Variants in PIK3R3 observed in about 807,000 individuals in gnomAD.
The protein encoded by PIK3R3 is phosphatidylinositol 3-kinase regulatory subunit gamma.
PIK3R3 carries 64 observed loss-of-function variants against 62.9 expected under a neutral mutation model. The observed-to-expected ratio is 1.02, with a 90% CI of 0.83 to 1.25. PIK3R3 has a LOEUF of 1.25. Among genes scored for constraint, PIK3R3 ranks in the 50% most tolerant of loss-of-function variants. The pLI, the probability that PIK3R3 is intolerant of heterozygous loss-of-function variation, is 0.00. For synonymous variants in PIK3R3, 165 were observed against 189.0 expected, an observed-to-expected ratio of 0.87 and a Z score of 1.04; for missense variants, 614 against 561.6, an observed-to-expected ratio of 1.09 and a Z score of -0.94.
At chr1:46,167,112 G>A in the PIK3R3 span, among the ~76,000 whole-genome samples, 1 of 152,276 alleles carries the variant, frequency 6.6e-6, no homozygotes, top group Non-Finnish European at 1.5e-5. Context: ...CTCTAGCGGG[G>A]AAGGCACCCC....
chr1:46,130,382 G>C (rs1655477501), intron 1 of PIK3R3, among the ~76,000 whole-genome samples: 3 of 152,096 alleles, frequency 2.0e-5, no homozygotes, highest in African/African-American at 7.2e-5. Context: ...CAATAGATGG[G>C]TGGCAAATCT....
chr1:46,169,973 G>C, the PIK3R3 span, among the ~76,000 whole-genome samples: 2 of 152,030 alleles, frequency 1.3e-5, no homozygotes, highest in Non-Finnish European at 2.9e-5. Context: ...CCCCACCCAG[G>C]TGCTCTCCAC....
At chr1:46,093,940 G>A (rs1008223737) in intron 1 of PIK3R3, among the ~76,000 whole-genome samples, 2 of 151,542 alleles carry the variant, frequency 1.3e-5, no homozygotes, top group African/African-American at 4.9e-5. Context: ...ATGGTGGTGT[G>A]TGCCTGTAGT....
At chr1:46,143,167 C>T in the PIK3R3 span, among the ~76,000 whole-genome samples, 2 of 152,162 alleles carry the variant, frequency 1.3e-5, no homozygotes, top group South Asian at 4.1e-4. Context: ...TTTTCTCCTT[C>T]GCTTCTGCGT....
intron 1 of PIK3R3, among the ~76,000 whole-genome samples, chr1:46,092,814 C>G (rs1161278020): frequency 4.2e-5 from 3 of 72,252 alleles, no homozygotes; most frequent in African/African-American, 1.7e-4. Flanking sequence ...CCATACTGGT[C>G]TTCATTTCTC....
chr1:46,043,793 G>C lies in PIK3R3; in HGVS notation c.1266C>G (p.Tyr422Ter). 6.2e-7 allele frequency: 1 copy of C among 1,613,974 alleles called. No homozygotes were observed. The highest frequency in any genetic ancestry group is 8.5e-7 in the Non-Finnish European group (1 of 1,179,790). ...GYGFAEPYNL[Y>*]SSLKELVLHY... Reference sequence around the variant, plus strand: ...GGAGCACTAGCTCCTTCAGAGAGCTGTACAGGTTGTAGGGCTCTGCAAAGC... The same window carrying C: ...GGAGCACTAGCTCCTTCAGAGAGCTCTACAGGTTGTAGGGCTCTGCAAAGC... The change falls in exon 10 of 10, where the codon TAC (tyrosine) becomes TAG (stop). Residue 422 changes from tyrosine to a stop codon, truncating the protein, a stop_gained. Transcript: ENST00000262741. LOFTEE classifies it high-confidence loss of function.
chr1:46,064,612 T>G (rs568742472), intron 5 of PIK3R3, among the ~76,000 whole-genome samples: 1 of 152,054 alleles, frequency 6.6e-6, no homozygotes, highest in African/African-American at 2.4e-5. Flanking sequence ...ATGAATATAT[T>G]TACTAACAAC....
chr1:46,056,775 G>T (rs1647962519), intron 6 of PIK3R3: 1 of 152,182 alleles, frequency 6.6e-6, no homozygotes, highest in African/African-American at 2.4e-5. Flanking sequence ...CAACATGAGA[G>T]AGAATCCCAA....
At chr1:46,101,923 G>A (rs954789031) in intron 1 of PIK3R3, among the ~76,000 whole-genome samples, 3 of 147,286 alleles carry the variant, frequency 2.0e-5, no homozygotes, top group East Asian at 3.9e-4. Flanking sequence ...TTTGTCATTC[G>A]TATTTTATAA....
chr1:46,117,354 G>A (rs1654277367), intron 1 of PIK3R3, among the ~76,000 whole-genome samples: 1 of 152,002 alleles, frequency 6.6e-6, no homozygotes, highest in Non-Finnish European at 1.5e-5. Flanking sequence ...GATCACTTGA[G>A]CCCAGGAGGT....
At chr1:46,103,796 A>G (rs2149445367) in intron 1 of PIK3R3, among the ~76,000 whole-genome samples, 1 of 151,796 alleles carries the variant, frequency 6.6e-6, no homozygotes, top group South Asian at 2.1e-4. Flanking sequence ...GGGTTTCACC[A>G]TGTTGGCCAG....
the PIK3R3 span, among the ~76,000 whole-genome samples, chr1:46,167,231 C>T: frequency 6.6e-6 from 1 of 152,388 alleles, no homozygotes; most frequent in East Asian, 1.9e-4. Context: ...GCGAATAAAT[C>T]CGGAGCGGAT....
the PIK3R3 span, among the ~76,000 whole-genome samples, chr1:46,172,461 C>G: frequency 6.6e-6 from 1 of 152,166 alleles, no homozygotes; most frequent in African/African-American, 2.4e-5. Context: ...GCAACCTCCA[C>G]TTCCCAGGTT....
chr1:46,116,636 TG>T (rs1360590399), intron 1 of PIK3R3, among the ~76,000 whole-genome samples: 1 of 151,400 alleles, frequency 6.6e-6, no homozygotes, highest in Non-Finnish European at 1.5e-5. Context: ...CACTCCAGCC[TG>T]GGTGACAGAG....
At chr1:46,133,364 C>T (rs1032629330), upstream of PIK3R3, among the ~76,000 whole-genome samples, 1 of 152,256 alleles carries the variant, frequency 6.6e-6, no homozygotes, top group East Asian at 1.9e-4. Context: ...CCAGGGAGGA[C>T]CTGCTGGCGT....
Position 46,052,840 on chromosome 1 carries a change from G to A in PIK3R3, c.941+2955C>T, listed in dbSNP as rs575874629. ...TAGAATCCTTGTGGGCTATGGAGTG[G>A]CCAGTCAAGGAAATGACCACATCCA... On this transcript the variant is annotated intron_variant, in intron 7 of 9. Transcript: ENST00000262741. 3.9e-5 allele frequency among the ~76,000 whole-genome samples: 6 copies of A among 152,200 alleles called. No individual in the cohort carries two copies. The East Asian group carries it at 1.2e-3, about 29-fold the overall frequency.
chr1:46,125,596 T>C (rs1444902493), intron 1 of PIK3R3, among the ~76,000 whole-genome samples: 1 of 152,198 alleles, frequency 6.6e-6, no homozygotes, highest in Non-Finnish European at 1.5e-5. Context: ...TTAATCTAAA[T>C]TGTGCCAGGT....
chr1:46,061,720 C>T (rs955485099), intron 6 of PIK3R3, among the ~76,000 whole-genome samples: 3 of 152,084 alleles, frequency 2.0e-5, no homozygotes, highest in South Asian at 2.1e-4. Flanking sequence ...GAAGTCCTAA[C>T]GGATAAGCAG....
upstream of PIK3R3, chr1:46,132,984 G>C (rs1446119525): frequency 3.7e-6 from 4 of 1,092,100 alleles, no homozygotes; most frequent in East Asian, 2.9e-4. Context: ...GGCGAGGAGG[G>C]AGTGGGGCGA....
Sources: allele counts gnomAD v4.1 joint callset (sites outside exome capture counted in the v4.1 genomes callset), GRCh38; gene constraint gnomAD v4.1.1; transcripts MANE v1.5; gene names NCBI Gene and HGNC (gene_info 2026-07-23, HGNC 2026-07-21).